VAV2: variants seen among roughly 807,000 people sequenced by gnomAD.
The protein encoded by VAV2 is vav guanine nucleotide exchange factor 2.
A neutral mutation model predicts 132.5 loss-of-function variants in VAV2; 67 were observed. The ratio of observed to expected loss-of-function variants is 0.51; its 90% CI spans 0.42 to 0.62. The LOEUF (loss-of-function observed/expected upper bound fraction) is 0.62, where lower values mean the gene tolerates loss of function less well. Ranked by LOEUF, VAV2 falls within the 20% of genes least tolerant of loss-of-function variation. VAV2 has a pLI of 0.00. For synonymous variants in VAV2, 492 were observed against 443.5 expected, an observed-to-expected ratio of 1.11 and a Z score of -1.37; for missense variants, 938 against 1,153.6, an observed-to-expected ratio of 0.81 and a Z score of 2.71.
rs1307668621 is a variant in VAV2, at chr9:133,935,211, C to T, written c.321+3892G>A. On this transcript the variant is annotated intron_variant, in intron 2 of 29. Coordinates refer to ENST00000371850, the MANE Select transcript of VAV2 (RefSeq NM_001134398.2). The surrounding 1 kb of genome is among the most constrained non-coding windows in gnomAD (Gnocchi z 5.2). The stretch of plus-strand genomic sequence containing the variant: ...CCGAGCTCATTTGGAATGGCCAGGG[C>T]GTCCCAACTGGGCTGAGCTCATGAA... Among the ~76,000 whole-genome samples the T allele has an allele frequency of 6.6e-6, 1 of 152,172 alleles. No homozygotes were observed. Among genetic ancestry groups the T allele is most frequent in the African/African-American group, 2.4e-5 (1 of 41,428 alleles).
At chr9:133,848,275 G>A (rs1837023365) in intron 3 of VAV2, among the ~76,000 whole-genome samples, 1 of 79,646 alleles carries the variant, frequency 1.3e-5, no homozygotes, top group South Asian at 4.9e-4. Context: ...GTGAGACTCC[G>A]TCTCAAAAAA....
chr9:133,874,466 G>A (rs1025288051), intron 2 of VAV2, among the ~76,000 whole-genome samples: 1 of 152,222 alleles, frequency 6.6e-6, no homozygotes, highest in Admixed American at 6.5e-5. Context: ...AGCCGCATCA[G>A]TCCCTCTTTA....
Position 133,961,936 on chromosome 9 carries a change from C to T in VAV2, c.205-22717G>A, listed in dbSNP as rs1427727358. On this transcript the variant is annotated intron_variant, in intron 1 of 29. Coordinates refer to ENST00000371850, the MANE Select transcript of VAV2 (RefSeq NM_001134398.2). This position sits in a 1 kb window ranked among gnomAD's most constrained non-coding sequence, Gnocchi z 4.1. ...CTCCTCACCCCACGGTGGCCCCTGC[C>T]AGAACCCAGCATCATCCCCCATGCC... 6.6e-6 allele frequency among the ~76,000 whole-genome samples: 1 copy of T among 152,208 alleles called. No homozygotes were observed. The highest frequency in any genetic ancestry group is 6.5e-5 in the Admixed American group (1 of 15,288).
At chr9:133,977,201 C>A (rs962721476) in intron 1 of VAV2, among the ~76,000 whole-genome samples, 5 of 152,358 alleles carry the variant, frequency 3.3e-5, no homozygotes, top group Admixed American at 2.6e-4. Flanking sequence ...CAGCATCCCA[C>A]GAGGACCTCC....
intron 2 of VAV2, among the ~76,000 whole-genome samples, chr9:133,862,526 T>C (rs1362295845): frequency 1.3e-5 from 2 of 152,248 alleles, no homozygotes; most frequent in African/African-American, 4.8e-5. Context: ...TGCATGTTGC[T>C]TGTGCGTGCT....
chr9:133,771,062 CTTTTTTTTTTTT>C (rs148597917), intron 26 of VAV2, among the ~76,000 whole-genome samples: 1 of 117,704 alleles, frequency 8.5e-6, no homozygotes, highest in Non-Finnish European at 1.7e-5. Flanking sequence ...TATGGATTTT[CTTTTTTTTTTTT>C]TTTTTTTGAG....
chr9:133,901,566 G>C (rs12342691), intron 2 of VAV2, among the ~76,000 whole-genome samples: 7,201 of 152,322 alleles, frequency 0.047, 392 homozygotes, highest in African/African-American at 0.14. Context: ...CAACTACCTT[G>C]CCAGAGAGCC....
chr9:133,867,305 C>T (rs1165241461), intron 2 of VAV2, among the ~76,000 whole-genome samples: 1 of 152,240 alleles, frequency 6.6e-6, no homozygotes, highest in East Asian at 1.9e-4. Flanking sequence ...GCGTGCGCAA[C>T]TCTAGCTTTC....
chr9:133,815,188 G>A (rs1046152826), intron 4 of VAV2, among the ~76,000 whole-genome samples: 86 of 152,076 alleles, frequency 5.7e-4, no homozygotes, highest in Middle Eastern at 6.8e-3. Context: ...AGAGTCCCCC[G>A]CCCGCCTCCC....
rs1419037040 is a variant in VAV2 at position 133,778,677 on chromosome 9, T to C, written c.1890+85A>G. On this transcript the variant is annotated intron_variant, in intron 22 of 29. Coordinates refer to ENST00000371850, the MANE Select transcript of VAV2 (RefSeq NM_001134398.2). ...TCACCTCTCTGCCTCTGCCTGGGGA[T>C]GTGCAGGACTTTATGCTTCTGCCCC... 6.5e-6 allele frequency: 10 copies of C among 1,540,138 alleles called. No individual in the cohort carries two copies. In the East Asian group the frequency reaches 1.9e-4, roughly 29 times the overall value.
intron 16 of VAV2, among the ~76,000 whole-genome samples, chr9:133,786,874 G>C (rs567455428): frequency 2.0e-5 from 3 of 152,306 alleles, no homozygotes; most frequent in African/African-American, 4.8e-5. Flanking sequence ...AGCGTGGAGC[G>C]GGGATGGGAG....
At chr9:133,843,023 A>G (rs1564398465) in intron 3 of VAV2, among the ~76,000 whole-genome samples, 1 of 152,204 alleles carries the variant, frequency 6.6e-6, no homozygotes, top group Non-Finnish European at 1.5e-5. Flanking sequence ...TTCTCCTGCT[A>G]AACAGCTCCA....
At chr9:133,785,004 A>G (rs1236768471) in intron 17 of VAV2, among the ~76,000 whole-genome samples, 3 of 152,120 alleles carry the variant, frequency 2.0e-5, no homozygotes, top group Admixed American at 1.3e-4. Context: ...ATTACAGGCC[A>G]TGGAAAGCGA....
intron 2 of VAV2, among the ~76,000 whole-genome samples, chr9:133,873,867 G>A (rs550882791): frequency 6.6e-6 from 1 of 152,326 alleles, no homozygotes; most frequent in South Asian, 2.1e-4. Context: ...TCCAGGCAGG[G>A]CCCAGCCTAG....
At chr9:133,772,258 T>C (rs1833656751) in intron 25 of VAV2, among the ~76,000 whole-genome samples, 1 of 152,200 alleles carries the variant, frequency 6.6e-6, no homozygotes, top group South Asian at 2.1e-4. Flanking sequence ...CTTGCTCGTT[T>C]GGGGCCCGGA....
chr9:133,860,516 A>G (rs2131864992), intron 3 of VAV2, among the ~76,000 whole-genome samples: 1 of 152,154 alleles, frequency 6.6e-6, no homozygotes, highest in East Asian at 1.9e-4. Context: ...GGGACCCCTC[A>G]GCCTGTAGTC....
At position 133,881,282 on chromosome 9, in the gene VAV2, C is replaced by T. The variant is rs116373001; in HGVS notation, c.322-19850G>A. On this transcript the variant is annotated intron_variant, in intron 2 of 29. Transcript: ENST00000371850. ...CAGGCATGATGCTATCTGCAGATAG[C>T]GGAGCGCAGACGTGGGACAAGGCCC... 5.3e-3 allele frequency among the ~76,000 whole-genome samples: 805 copies of T among 152,372 alleles called. 7 individuals are homozygous for T. The highest frequency in any genetic ancestry group is 0.018 in the African/African-American group (763 of 41,588).
chr9:133,764,505 G>A (rs941945225), intron 29 of VAV2, among the ~76,000 whole-genome samples: 7 of 152,180 alleles, frequency 4.6e-5, no homozygotes, highest in African/African-American at 1.7e-4. Context: ...TCTGTCAGGG[G>A]AGATTAATAA....
intron 2 of VAV2, among the ~76,000 whole-genome samples, chr9:133,921,533 AGTGCCTCTCCCTGCAGCCTCTCCCT>A (rs1248338437): frequency 6.6e-6 from 1 of 152,146 alleles, no homozygotes; most frequent in Non-Finnish European, 1.5e-5. Context: ...CCAGCTTCCC[AGTGCCTCTCCCTGCAGCCTCTCCCT>A]GTGCCTCTCC....
Sources: allele counts gnomAD v4.1 joint callset (sites outside exome capture counted in the v4.1 genomes callset), GRCh38; gene constraint gnomAD v4.1.1; non-coding constraint Gnocchi (gnomAD v3.1); transcripts MANE v1.5; gene names NCBI Gene and HGNC (gene_info 2026-07-23, HGNC 2026-07-21).